Variants in CTDSPL observed in about 807,000 individuals in gnomAD.
CTDSPL encodes the protein CTD small phosphatase like.
A neutral mutation model predicts 30.5 loss-of-function variants in CTDSPL; 8 were observed. That is an observed-to-expected ratio of 0.26 (90% CI 0.15 to 0.47). CTDSPL has a LOEUF of 0.47. Among genes scored for constraint, CTDSPL ranks in the 20% least tolerant of loss-of-function variants. The pLI, the probability that CTDSPL is intolerant of heterozygous loss-of-function variation, is 0.99. For missense variants in CTDSPL, 248 were observed against 366.1 expected (o/e 0.68, Z 2.63); for synonymous variants, 110 against 137.9 (o/e 0.80, Z 1.42).
intron 3 of CTDSPL, among the ~76,000 whole-genome samples, chr3:37,961,649 C>T (rs554881042): frequency 1.2e-4 from 19 of 152,298 alleles, no homozygotes; most frequent in Admixed American, 4.6e-4. Context: ...GAAGAACATA[C>T]AAGCAGGACA....
At chr3:37,969,424 C>T (rs1249227702) in intron 5 of CTDSPL, 1 of 532,048 alleles carries the variant, frequency 1.9e-6, no homozygotes. Flanking sequence ...TCAAGTAATC[C>T]AGGATAGGCT....
At chr3:37,927,405 C>T (rs180827098) in intron 1 of CTDSPL, among the ~76,000 whole-genome samples, 3 of 152,126 alleles carry the variant, frequency 2.0e-5, no homozygotes, top group African/African-American at 7.2e-5. Flanking sequence ...CCCCAGATAA[C>T]TCATTATGTA....
At position 37,967,777 on chromosome 3, in the gene CTDSPL, GT is replaced by G. The variant is rs759547893; in HGVS notation, c.370-42del. On this transcript the variant is annotated intron_variant, in intron 4 of 7. Coordinates refer to ENST00000273179, the MANE Select transcript of CTDSPL (RefSeq NM_001008392.2). The stretch of plus-strand genomic sequence containing the variant: ...CTTTTTTCTTGCTAAAATTTCCAGA[GT>G]TTTTTTGTTCCTTCAGACATATTAA... The G allele has an allele frequency of 3.8e-5, 53 of 1,397,876 alleles. No individual in the cohort carries two copies. The African/African-American group carries it at 7.1e-4, about 19-fold the overall frequency. The allele number at this position is 1,397,876 out of a possible 1,614,324, so 86.6% of individuals were successfully genotyped here.
intron 1 of CTDSPL, among the ~76,000 whole-genome samples, chr3:37,914,544 T>C (rs896908046): frequency 6.6e-6 from 1 of 152,234 alleles, no homozygotes; most frequent in Non-Finnish European, 1.5e-5. Flanking sequence ...TATAAATGGA[T>C]GTTGAATGTT....
intron 1 of CTDSPL, among the ~76,000 whole-genome samples, chr3:37,901,780 G>A (rs189056254): frequency 2.0e-5 from 3 of 152,280 alleles, no homozygotes; most frequent in Non-Finnish European, 2.9e-5. Context: ...GCAGGTGTAT[G>A]CAACCAGAAA....
chr3:37,960,535 TACAC>T (rs71288085), intron 3 of CTDSPL, among the ~76,000 whole-genome samples: 88 of 16,258 alleles, frequency 5.4e-3, no homozygotes, highest in African/African-American at 9.0e-3. Context: ...TATATATATA[TACAC>T]ACACACACAC....
chr3:37,920,099 A>C (rs1698696345), intron 1 of CTDSPL, among the ~76,000 whole-genome samples: 1 of 152,064 alleles, frequency 6.6e-6, no homozygotes, highest in African/African-American at 2.4e-5. Flanking sequence ...AAACAGTCTC[A>C]ATGGGTTAAA....
intron 1 of CTDSPL, among the ~76,000 whole-genome samples, chr3:37,876,780 C>CT (rs144593855): frequency 0.043 from 6,376 of 146,980 alleles, 184 homozygotes; most frequent in Middle Eastern, 0.06. Flanking sequence ...TTAGTAATGT[C>CT]TTTTTTTTTT....
intron 1 of CTDSPL, chr3:37,911,683 TGAGA>T (rs1271056658): frequency 2.2e-6 from 1 of 456,630 alleles, no homozygotes; most frequent in Admixed American, 2.3e-5. Context: ...ATTCTCTTTC[TGAGA>T]AGGGCAAGAA....
chr3:37,964,151 T>A (rs1346582330), intron 3 of CTDSPL, among the ~76,000 whole-genome samples: 1 of 143,920 alleles, frequency 6.9e-6, no homozygotes, highest in Non-Finnish European at 1.5e-5. Context: ...GAAACAGACC[T>A]CCATTGTGAC....
At position 37,957,105 on chromosome 3, in the gene CTDSPL, C is replaced by T. The variant is rs562842274; in HGVS notation, c.235-6C>T. 89 of 1,594,106 alleles carry T rather than the reference C, an allele frequency of 5.6e-5. No individual in the cohort carries two copies. The highest frequency in any genetic ancestry group is 3.1e-4 in the African/African-American group (23 of 73,482). ...TGACAATGATTTTTTTTTTCTTTTT[C>T]CTCAGGGTGACCAGAGGCAGGTCAT... On this transcript the variant is annotated splice_polypyrimidine_tract_variant and splice_region_variant and intron_variant, in intron 2 of 7. Coordinates refer to ENST00000273179, the MANE Select transcript of CTDSPL (RefSeq NM_001008392.2).
rs375588680 is a variant in CTDSPL, at chr3:37,957,211, T to C, written c.267+68T>C. ...AATCTTGTGGCTTTGGGCCTACTTA[T>C]ATAAAGGATTTTTTTTAATGTTATT... On this transcript the variant is annotated intron_variant, in intron 3 of 7. Coordinates refer to ENST00000273179, the MANE Select transcript of CTDSPL (RefSeq NM_001008392.2). 633 of 1,107,018 alleles carry C rather than the reference T, an allele frequency of 5.7e-4. 4 individuals carry two copies. The African/African-American group carries it at 8.6e-3, about 15-fold the overall frequency. 68.6% of individuals were successfully genotyped at this position (1,107,018 alleles called of 1,614,324 possible).
intron 1 of CTDSPL, among the ~76,000 whole-genome samples, chr3:37,943,733 C>T (rs1168969151): frequency 5.3e-5 from 8 of 150,066 alleles, no homozygotes; most frequent in African/African-American, 1.7e-4. Context: ...AGGGGGCAAG[C>T]GAGGAAAGGT....
At chr3:37,924,784 T>C (rs1698761753) in intron 1 of CTDSPL, among the ~76,000 whole-genome samples, 3 of 152,324 alleles carry the variant, frequency 2.0e-5, no homozygotes, top group South Asian at 4.1e-4. Flanking sequence ...CCAGTGCCGA[T>C]GGTAGGAAAG....
At chr3:37,868,317 C>T (rs1012336867) in intron 1 of CTDSPL, among the ~76,000 whole-genome samples, 1 of 151,586 alleles carries the variant, frequency 6.6e-6, no homozygotes, top group South Asian at 2.1e-4. Flanking sequence ...GATATTAGTC[C>T]TTTTTCAGAT....
At chr3:37,977,887 A>G (rs1056149195) in intron 7 of CTDSPL, among the ~76,000 whole-genome samples, 1 of 151,916 alleles carries the variant, frequency 6.6e-6, no homozygotes, top group Non-Finnish European at 1.5e-5. Context: ...ACAGAGCAAG[A>G]CCCTATCCCA....
chr3:37,928,118 C>A (rs1698806803), intron 1 of CTDSPL, among the ~76,000 whole-genome samples: 1 of 152,096 alleles, frequency 6.6e-6, no homozygotes, highest in Admixed American at 6.5e-5. Context: ...ATGCATGGAC[C>A]ACTTTTTCTT....
At chr3:37,906,558 C>T (rs1299841615) in intron 1 of CTDSPL, among the ~76,000 whole-genome samples, 1 of 152,170 alleles carries the variant, frequency 6.6e-6, no homozygotes, top group Non-Finnish European at 1.5e-5. Context: ...CTTTGGAGCT[C>T]CTGTTTTTCA....
At chr3:37,970,567 C>T (rs535948743) in intron 5 of CTDSPL, among the ~76,000 whole-genome samples, 1 of 152,340 alleles carries the variant, frequency 6.6e-6, no homozygotes, top group South Asian at 2.1e-4. Flanking sequence ...TGTCTTCTCT[C>T]ACCAGCTTTG....
Sources: gnomAD v4.1 joint callset for allele counts (sites outside exome capture counted in the v4.1 genomes callset) on GRCh38, gnomAD v4.1.1 for gene constraint, MANE v1.5 for transcripts, NCBI Gene and HGNC (gene_info 2026-07-23, HGNC 2026-07-21) for gene names.